Variants in NMRK1 observed in about 807,000 individuals in gnomAD.
NMRK1 encodes NRK 1.
In NMRK1, 28 loss-of-function variants were observed where a neutral mutation model predicts 29.9. The ratio of observed to expected loss-of-function variants is 0.94; its 90% confidence interval spans 0.69 to 1.28. NMRK1 has a LOEUF of 1.28. NMRK1 is among the 50% of genes most tolerant of loss of function. NMRK1 has a pLI of 0.00. For missense variants in NMRK1, 218 were observed against 233.1 expected, an observed-to-expected ratio of 0.94 and a Z score of 0.42; for synonymous variants, 58 against 73.0, an observed-to-expected ratio of 0.79 and a Z score of 1.05.
chr9:75,077,696 T>G (rs1587391765), intron 2 of NMRK1, 116 bp from the exon 3 acceptor site: 1 of 698,476 alleles, frequency 1.4e-6, no homozygotes, highest in Non-Finnish European at 2.5e-6. Context: ...AGTGCAGTGG[T>G]GCAATCTTGG....
intron 2 of NMRK1, among the ~76,000 whole-genome samples, chr9:75,081,587 C>A (rs1011911396): frequency 9.9e-5 from 15 of 152,106 alleles, no homozygotes; most frequent in Non-Finnish European, 8.8e-5. Context: ...AGAGGGAAAT[C>A]TTATTTACAG....
chr9:75,066,225 T>C (rs1163079338), intron 8 of NMRK1: 1 of 516,596 alleles, frequency 1.9e-6, no homozygotes, highest in African/African-American at 1.9e-5. Context: ...CCATTACCCC[T>C]GTACTGTCTT....
chr9:75,070,069 A>C, intron 4 of NMRK1, 27 bp from the exon 5 acceptor site: 2 of 1,597,370 alleles, frequency 1.3e-6, no homozygotes, highest in Non-Finnish European at 1.7e-6. Flanking sequence ...AAAAATATGC[A>C]ATCAATATAG....
chr9:75,069,957 G>C lies in NMRK1; in HGVS notation c.255C>G (p.Asp85Glu), dbSNP rs1269929267. The change falls in exon 5 of 9, where the codon GAC (aspartate) becomes GAG (glutamate). Residue 85 changes from aspartate (D) to glutamate (E), a missense_variant. Transcript: ENST00000361092. The stretch of plus-strand genomic sequence containing the variant: ...TGGGAATTTCCTCAGCACTTTCCTG[G>C]TCTGTTGATACCACAGAGTGTCTTG... ...ESARHSVVST[D>E]QESAEEIPIL... The C allele has an allele frequency of 1.1e-5, 17 of 1,613,798 alleles. No homozygotes were observed. Among genetic ancestry groups the C allele is most frequent in the Non-Finnish European group, 1.4e-5 (16 of 1,179,864 alleles).
intron 7 of NMRK1, chr9:75,067,226 G>T (rs1361403877): frequency 5.9e-6 from 1 of 170,002 alleles, no homozygotes; most frequent in Non-Finnish European, 1.3e-5. Context: ...TATACATCAG[G>T]ATCACCTGGG....
chr9:75,087,843 C>T (rs1824768463), intron 1 of NMRK1, 165 bp downstream of exon 1: 1 of 152,338 alleles, frequency 6.6e-6, no homozygotes. Flanking sequence ...GAGTACACGT[C>T]CTCCTCGGCA....
chr9:75,067,011 G>T, intron 7 of NMRK1, 171 bp from the exon 8 acceptor site: 1 of 495,930 alleles, frequency 2.0e-6, no homozygotes, highest in Non-Finnish European at 3.6e-6. Context: ...ATGCTAGCCA[G>T]CTATAATAGG....
chr9:75,075,779 C>T (rs921606548), intron 4 of NMRK1, among the ~76,000 whole-genome samples: 1 of 152,058 alleles, frequency 6.6e-6, no homozygotes, highest in Admixed American at 6.5e-5. Context: ...CTTTGGCCAC[C>T]AAGAAGGAAA....
Position 75,077,180 on chromosome 9 carries a change from T to C in NMRK1, c.148A>G (p.Asn50Asp). The C allele has an allele frequency of 6.3e-7, 1 of 1,595,632 alleles. No homozygotes were observed. Among genetic ancestry groups the C allele is most frequent in the Non-Finnish European group, 8.6e-7 (1 of 1,165,618 alleles). Residue 50 changes from asparagine (N) to aspartate (D), a missense_variant, in exon 4 of 9, where the codon AAT becomes GAT. Physicochemically the swap from Asn to Asp is conservative, Grantham distance 23. Transcript: ENST00000361092. ...KPESEIETDK[N>D]GFLQYDVLEA... is the part of the protein sequence containing the mutation. ...TTACCATCGTACTGCAAAAATCCAT[T>C]TTTATCTGTCTCTATCTCAGACTCT...
Position 75,083,129 on chromosome 9 carries a change from A to T in NMRK1, c.-14T>A. On this transcript the variant is annotated 5_prime_UTR_variant, in exon 2 of 9. Transcript: ENST00000361092. ...AAATGTTTTCATAATTAGCTTTGAA[A>T]ATCACAGCTTCCTAATATTTCCTAA... 6.4e-7 allele frequency: 1 copy of T among 1,569,260 alleles called. No individual in the cohort carries two copies. The highest frequency in any genetic ancestry group is 8.8e-7 in the Non-Finnish European group (1 of 1,139,198).
At chr9:75,071,615 A>G (rs1159398876) in intron 4 of NMRK1, among the ~76,000 whole-genome samples, 1 of 152,120 alleles carries the variant, frequency 6.6e-6, no homozygotes, top group African/African-American at 2.4e-5. Flanking sequence ...ATCCTATTTA[A>G]TCTTCTTTTG....
intron 7 of NMRK1, among the ~76,000 whole-genome samples, chr9:75,067,916 C>T (rs1292373145): frequency 2.0e-5 from 3 of 152,130 alleles, no homozygotes; most frequent in Admixed American, 2.0e-4. Context: ...TTGCCTTATC[C>T]AACAGCCTTC....
intron 1 of NMRK1, among the ~76,000 whole-genome samples, chr9:75,085,609 G>C (rs1048160064): frequency 9.9e-5 from 15 of 151,998 alleles, no homozygotes; most frequent in African/African-American, 3.6e-4. Flanking sequence ...TAAATAACAA[G>C]TGAGCATGGT....
At chr9:75,083,700 T>G (rs946258477) in intron 1 of NMRK1, among the ~76,000 whole-genome samples, 2 of 152,200 alleles carry the variant, frequency 1.3e-5, no homozygotes, top group African/African-American at 4.8e-5. Context: ...TTAAAGACAC[T>G]ATTTCTTCAC....
intron 4 of NMRK1, among the ~76,000 whole-genome samples, chr9:75,074,274 C>T (rs1299729227): frequency 6.6e-6 from 1 of 151,986 alleles, no homozygotes; most frequent in Non-Finnish European, 1.5e-5. Flanking sequence ...AAAAAAAATA[C>T]CAGTCTGACA....
chr9:75,077,745 C>T (rs986176432), intron 2 of NMRK1, among the ~76,000 whole-genome samples, 165 bp from the exon 3 acceptor site: 2 of 152,014 alleles, frequency 1.3e-5, no homozygotes, highest in African/African-American at 4.8e-5. Flanking sequence ...AAGTGATTCT[C>T]CTGCCTCAGC....
At position 75,077,569 on chromosome 9, in the gene NMRK1, CTGTT is replaced by C. The variant is rs766528015; in HGVS notation, c.37_40del (p.Asn13ValfsTer32). ...ATTCTTAGCCAGTGTTGTTTTGCCA[CTGTT>C]TGTCACACTGAAGCAAAGAAAAAAG... On this transcript the variant is annotated frameshift_variant, in exon 3 of 9. Coordinates refer to ENST00000361092, the MANE Select transcript of NMRK1 (RefSeq NM_017881.3). LOFTEE classifies it high-confidence loss of function. 6.2e-7 allele frequency: 1 copy of C among 1,612,502 alleles called. No homozygotes were observed. Among genetic ancestry groups the C allele is most frequent in the South Asian group, 1.1e-5 (1 of 91,034 alleles).
intron 8 of NMRK1, among the ~76,000 whole-genome samples, chr9:75,065,631 A>G (rs1823294855): frequency 6.6e-6 from 1 of 152,132 alleles, no homozygotes; most frequent in Non-Finnish European, 1.5e-5. Context: ...AGAAATTTTT[A>G]AAATCAGAAG....
intron 8 of NMRK1, among the ~76,000 whole-genome samples, chr9:75,064,636 C>T (rs2117995875): frequency 6.6e-6 from 1 of 152,252 alleles, no homozygotes; most frequent in African/African-American, 2.4e-5. Flanking sequence ...ATGGGCTGAT[C>T]CTGAAATCAA....
Sources: gnomAD v4.1 joint callset for allele counts (sites outside exome capture counted in the v4.1 genomes callset) on GRCh38, gnomAD v4.1.1 for gene constraint, MANE v1.5 for transcripts, NCBI Gene and HGNC (gene_info 2026-07-23, HGNC 2026-07-21) for gene names.